DGKA: variants seen among roughly 807,000 people sequenced by gnomAD.
DGKA encodes diacylglycerol kinase alpha.
In DGKA, 35 loss-of-function variants were observed where a neutral mutation model predicts 105.0. The observed-to-expected ratio is 0.33, with a 90% CI of 0.25 to 0.44. The LOEUF (loss-of-function observed/expected upper bound fraction) is 0.44. Among genes scored for constraint, DGKA ranks in the 20% least tolerant of loss-of-function variants. The probability of loss-of-function intolerance (pLI) is 1.00; values close to 1 mark genes in which losing one functional copy is unlikely to be tolerated. For missense variants in DGKA, 665 were observed against 915.0 expected (o/e 0.73, Z 3.53); for synonymous variants, 296 against 332.0 (o/e 0.89, Z 1.18).
intron 1 of DGKA, chr12:55,936,148 A>T: frequency 1.7e-6 from 1 of 571,652 alleles, no homozygotes; most frequent in South Asian, 4.4e-5. Context: ...GAGGGTGGTC[A>T]GATGAATCAA....
chr12:55,949,254 A>G (rs1016109628), intron 17 of DGKA, among the ~76,000 whole-genome samples: 27 of 151,830 alleles, frequency 1.8e-4, no homozygotes, highest in Non-Finnish European at 3.8e-4. Context: ...CTGGAGTACA[A>G]TGGCACGATC....
chr12:55,946,113 G>A (rs755554195), intron 17 of DGKA, among the ~76,000 whole-genome samples: 30 of 151,554 alleles, frequency 2.0e-4, no homozygotes, highest in Non-Finnish European at 3.1e-4. Flanking sequence ...AAATGTATCT[G>A]CAAAGTCTCT....
At chr12:55,951,966 T>C in intron 18 of DGKA, 69 bp from the exon 19 acceptor site, 2 of 1,587,966 alleles carry the variant, frequency 1.3e-6, no homozygotes, top group Non-Finnish European at 1.7e-6. Flanking sequence ...CATGGGGACT[T>C]GGGAAAGAGG....
At chr12:55,948,401 G>GAA (rs747364724) in intron 17 of DGKA, among the ~76,000 whole-genome samples, 2 of 124,136 alleles carry the variant, frequency 1.6e-5, no homozygotes, top group Non-Finnish European at 1.7e-5. Flanking sequence ...ACTCCATCTC[G>GAA]AAAAAAAAAA....
At chr12:55,927,564 C>A (rs953610555), upstream of DGKA, 22 of 927,666 alleles carry the variant, frequency 2.4e-5, no homozygotes, top group Non-Finnish European at 3.5e-5. Context: ...CAGGAACGCA[C>A]TGGGGCGCAC....
At chr12:55,945,011 G>T (rs1272228915) in intron 17 of DGKA, among the ~76,000 whole-genome samples, 2 of 152,130 alleles carry the variant, frequency 1.3e-5, no homozygotes, top group Non-Finnish European at 2.9e-5. Flanking sequence ...TGCTGGCCAG[G>T]CTGGTCTCGA....
At chr12:55,928,557 A>G (rs913660276), upstream of DGKA, among the ~76,000 whole-genome samples, 4 of 151,660 alleles carry the variant, frequency 2.6e-5, no homozygotes, top group Non-Finnish European at 5.9e-5. Context: ...GGGTGCCTGT[A>G]ATCTCAGCTA....
chr12:55,953,099 A>G lies in DGKA; in HGVS notation c.2002A>G (p.Ile668Val). 1.2e-6 allele frequency: 2 copies of G among 1,614,110 alleles called. No individual in the cohort carries two copies. The highest frequency in any genetic ancestry group is 1.7e-6 in the Non-Finnish European group (2 of 1,180,020). Residue 668 changes from isoleucine to valine, a missense_variant, in exon 22 of 24, where the codon ATC becomes GTC. Physicochemically the swap from Ile to Val is conservative, Grantham distance 29. Coordinates refer to ENST00000331886, the MANE Select transcript of DGKA (RefSeq NM_001345.5). ...GLEGAIEMGQIYTKLKNAGRR... is the reference protein window; with the variant it reads ...GLEGAIEMGQVYTKLKNAGRR... ...GGAGGGTGCAATTGAGATGGGCCAA[A>G]TCTATACCAAGCTCAAGAATGCTGG...
Position 55,940,489 on chromosome 12 carries a change from C to T in DGKA, c.918+56C>T. 10 of 1,601,184 alleles carry T rather than the reference C, an allele frequency of 6.2e-6. No individual in the cohort carries two copies. The highest frequency in any genetic ancestry group is 8.5e-6 in the Non-Finnish European group (10 of 1,173,166). ...GTCTTACCCCGCAGAGCTGCCTTCT[C>T]CACGGGCCTCCGGCCACACCTCCTT... On this transcript the variant is annotated intron_variant, in intron 11 of 23. Transcript: ENST00000331886. The surrounding 1 kb of genome is among the most constrained non-coding windows in gnomAD (Gnocchi z 4.3).
intron 17 of DGKA, among the ~76,000 whole-genome samples, chr12:55,950,688 GC>G (rs1887984140): frequency 6.6e-6 from 1 of 151,676 alleles, no homozygotes; most frequent in African/African-American, 2.4e-5. Context: ...GGGATCACCC[GC>G]CTCAGCCTCC....
chr12:55,927,677 G>T, upstream of DGKA: 1 of 1,536,652 alleles, frequency 6.5e-7, no homozygotes, highest in South Asian at 1.2e-5. Context: ...AACCACCAGA[G>T]ACCCGCGGGA....
intron 1 of DGKA, chr12:55,936,169 G>A: frequency 1.8e-6 from 1 of 552,770 alleles, no homozygotes. Context: ...GATAGGTTGG[G>A]GGAGAGGGAG....
At position 55,951,770 on chromosome 12, in the gene DGKA, T is replaced by A; in HGVS notation, c.1574T>A (p.Phe525Tyr). 1.2e-6 allele frequency: 2 copies of A among 1,613,428 alleles called. No individual in the cohort carries two copies. The highest frequency in any genetic ancestry group is 1.3e-5 in the African/African-American group (1 of 74,778). The stretch of plus-strand genomic sequence containing the variant: ...CCCTTTCAAATCATCAATAACTACT[T>A]CTCTATTGGCGTGGTCAGTGGAATG... ...PVPFQIINNY[F>Y]SIGVDASIAH... is the part of the protein sequence containing the mutation. The change falls in exon 18 of 24, where the codon TTC (phenylalanine) becomes TAC (tyrosine). Residue 525 changes from phenylalanine to tyrosine, a missense_variant. By Grantham distance (22) the Phe-to-Tyr change is conservative. Transcript: ENST00000331886.
chr12:55,951,729 A>G lies in DGKA; in HGVS notation c.1533A>G (p.Glu511=). 1 of 1,614,062 alleles carries G rather than the reference A, an allele frequency of 6.2e-7. No individual in the cohort carries two copies. Among genetic ancestry groups the G allele is most frequent in the Non-Finnish European group, 8.5e-7 (1 of 1,180,022 alleles). Residue 511 remains glutamate, a synonymous_variant, in exon 18 of 24, where the codon GAA becomes GAG. Coordinates refer to ENST00000331886, the MANE Select transcript of DGKA (RefSeq NM_001345.5). ...AGGTGATACCTCAACAAACTGAAGAAAAAAGTGACCCAGTCCCCTTTCAAA... is the reference window on the plus strand; with the variant it reads ...AGGTGATACCTCAACAAACTGAAGAGAAAAGTGACCCAGTCCCCTTTCAAA... The part of the protein sequence containing the change: ...SVEVIPQQTE[E]KSDPVPFQII...
At chr12:55,942,873 T>C (rs1196358345) in intron 17 of DGKA, among the ~76,000 whole-genome samples, 1 of 152,022 alleles carries the variant, frequency 6.6e-6, no homozygotes, top group Non-Finnish European at 1.5e-5. Context: ...CTGGAGATCT[T>C]AGGGAATAGA....
chr12:55,952,747 C>A lies in DGKA; in HGVS notation c.1757C>A (p.Pro586Gln). 1 of 1,614,006 alleles carries A rather than the reference C, an allele frequency of 6.2e-7. No homozygotes were observed. Among genetic ancestry groups the A allele is most frequent in the Non-Finnish European group, 8.5e-7 (1 of 1,180,014 alleles). ...CCCTCCTCTCAGATCTGTGGGAAAC[C>A]GCTGGATCTGAGCAACCTGTCCCTA... The part of the protein sequence containing the change: ...ESLTVEICGK[P>Q]LDLSNLSLEG... The change falls in exon 21 of 24, where the codon CCG becomes CAG. Residue 586 changes from proline (P) to glutamine (Q), a missense_variant. This residue lies in a region of DGKA where 158 missense variants were observed against 213.4 expected (regional missense o/e 0.74). Transcript: ENST00000331886. This position sits in a 1 kb window ranked among gnomAD's most constrained non-coding sequence, Gnocchi z 5.1.
At position 55,940,898 on chromosome 12, in the gene DGKA, C is replaced by G; in HGVS notation, c.1019C>G (p.Ala340Gly). The change falls in exon 13 of 24, where the codon GCC becomes GGC. Residue 340 changes from alanine (A) to glycine (G), a missense_variant and splice_region_variant. Around this residue, in one of 3 missense-constraint regions of DGKA, gnomAD observed 504 missense variants for 681.2 expected, o/e 0.74. Coordinates refer to ENST00000331886, the MANE Select transcript of DGKA (RefSeq NM_001345.5). This position sits in a 1 kb window ranked among gnomAD's most constrained non-coding sequence, Gnocchi z 4.3. ...PPSSIYPSVL[A>G]SGPDRKNSKT... The stretch of plus-strand genomic sequence containing the variant: ...CCCTCTACTTTCTTCCCCTCCCAGG[C>G]CTCTGGACCGGATCGTAAAAATAGC... 1 of 1,614,106 alleles carries G rather than the reference C, an allele frequency of 6.2e-7. No individual in the cohort carries two copies. Among genetic ancestry groups the G allele is most frequent in the Non-Finnish European group, 8.5e-7 (1 of 1,179,992 alleles).
chr12:55,927,738 C>T (rs1217953596), upstream of DGKA: 2 of 1,539,852 alleles, frequency 1.3e-6, no homozygotes, highest in Admixed American at 2.0e-5. Context: ...TCTCCGTAGC[C>T]GCAGGGCTGC....
At position 55,938,962 on chromosome 12, in the gene DGKA, G is replaced by T; in HGVS notation, c.447G>T (p.Leu149=). The T allele has an allele frequency of 6.2e-7, 1 of 1,614,200 alleles. No individual in the cohort carries two copies. Among genetic ancestry groups the T allele is most frequent in the South Asian group, 1.1e-5 (1 of 91,082 alleles). ...AGATGATGCGAGTGGCTGAATACCT[G>T]GATTGGGATGTGTCTGAGCTGAGGC... is the stretch of plus-strand genomic sequence containing the variant. The part of the protein sequence containing the change: ...ILQMMRVAEY[L]DWDVSELRPI... Residue 149 remains leucine, a synonymous_variant, in exon 7 of 24, where the codon CTG becomes CTT. Transcript: ENST00000331886.
Sources: allele counts gnomAD v4.1 joint callset (sites outside exome capture counted in the v4.1 genomes callset), GRCh38; gene constraint gnomAD v4.1.1; regional missense constraint gnomAD v4.1.1; non-coding constraint Gnocchi (gnomAD v3.1); transcripts MANE v1.5; gene names NCBI Gene and HGNC (gene_info 2026-07-23, HGNC 2026-07-21).